RGS22: variants seen among roughly 807,000 people sequenced by gnomAD.
RGS22 encodes regulator of G protein signaling 22.
RGS22 carries 148 observed loss-of-function variants against 172.9 expected under a neutral mutation model. The ratio of observed to expected loss-of-function variants is 0.86; its 90% CI spans 0.75 to 0.98. The LOEUF (loss-of-function observed/expected upper bound fraction) is 0.98, where lower values mean the gene tolerates loss of function less well. Ranked by LOEUF, RGS22 falls within the 50% of genes least tolerant of loss-of-function variation. RGS22 has a pLI of 0.00. For synonymous variants in RGS22, 458 were observed against 480.2 expected (o/e 0.95, Z 0.60); for missense variants, 1,347 against 1,440.8 (o/e 0.93, Z 1.05).
At chr8:100,029,336 G>A (rs561317033) in intron 14 of RGS22, among the ~76,000 whole-genome samples, 1 of 152,212 alleles carries the variant, frequency 6.6e-6, no homozygotes, top group East Asian at 1.9e-4. Flanking sequence ...TGATAATACT[G>A]TTATGACAGA....
At chr8:100,087,803 G>C (rs1812270174) in intron 3 of RGS22, among the ~76,000 whole-genome samples, 1 of 152,050 alleles carries the variant, frequency 6.6e-6, no homozygotes, top group Admixed American at 6.6e-5. Flanking sequence ...TGTCATTTTA[G>C]ATGTTTAACC....
chr8:100,053,043 A>C, intron 9 of RGS22, 67 bp from the exon 10 acceptor site: 1 of 1,379,060 alleles, frequency 7.3e-7, no homozygotes, highest in Non-Finnish European at 1.0e-6. Flanking sequence ...AAAGCCTACA[A>C]AATACATAAT....
chr8:100,060,421 T>TATATATATATATATATATATATAC lies in RGS22; in HGVS notation c.1514+2169_1514+2170insGTATATATATATATATATATATAT, dbSNP rs1245783464. ...CTACGTGTATATATATATATATATA[T>TATATATATATATATATATATATAC]ACACACACACACACACACACGCACC... is the stretch of plus-strand genomic sequence containing the variant. On this transcript the variant is annotated intron_variant, in intron 9 of 27. Transcript: ENST00000360863. Among the ~76,000 whole-genome samples the TATATATATATATATATATATATAC allele has an allele frequency of 1.6e-3, 195 of 119,386 alleles. 1 individual carries two copies. Among genetic ancestry groups the TATATATATATATATATATATATAC allele is most frequent in the South Asian group, 4.9e-3 (17 of 3,456 alleles). The allele number at this position is 119,386 out of a possible 152,430, so 78.3% of individuals were successfully genotyped here.
intron 24 of RGS22, 114 bp downstream of exon 24, chr8:99,965,221 T>C: frequency 3.5e-6 from 2 of 570,078 alleles, no homozygotes; most frequent in South Asian, 3.7e-5. Flanking sequence ...ATTATAATTG[T>C]AGGCTTATTT....
chr8:100,101,693 G>A (rs1477381129), intron 2 of RGS22, among the ~76,000 whole-genome samples: 1 of 151,802 alleles, frequency 6.6e-6, no homozygotes, highest in African/African-American at 2.4e-5. Flanking sequence ...TACAAGGTAT[G>A]TGTCCCTAAC....
intron 11 of RGS22, among the ~76,000 whole-genome samples, chr8:100,044,165 T>C (rs1468208501): frequency 6.6e-6 from 1 of 152,226 alleles, no homozygotes; most frequent in Non-Finnish European, 1.5e-5. Context: ...GAAGAACTAA[T>C]ATGCAGTTCT....
rs143736154 is a variant in RGS22, at chr8:100,040,172, T to C, written c.1939-85A>G. 476 of 1,195,018 alleles carry C rather than the reference T, an allele frequency of 4.0e-4. 2 individuals are homozygous for C. The African/African-American group carries it at 5.8e-3, about 15-fold the overall frequency. The allele number at this position is 1,195,018 out of a possible 1,614,324, so 74.0% of individuals were successfully genotyped here. ...TTACACAACAGGATTTCATAAACTC[T>C]ACCATGCTGTCATTTTCCCACTGGA... On this transcript the variant is annotated intron_variant, in intron 12 of 27. Coordinates refer to ENST00000360863, the MANE Select transcript of RGS22 (RefSeq NM_015668.5).
At chr8:100,045,461 T>C (rs1447884844) in intron 11 of RGS22, among the ~76,000 whole-genome samples, 2 of 152,098 alleles carry the variant, frequency 1.3e-5, no homozygotes, top group Non-Finnish European at 2.9e-5. Context: ...GAAAATAATG[T>C]AGAAATAGTT....
chr8:100,099,983 A>G lies in RGS22; in HGVS notation c.54+5391T>C, dbSNP rs140005217. ...TGTAATTTAACATATTTTGTTTGAA[A>G]AAAACCACCAAGTGGTCATTAATTG... is the stretch of plus-strand genomic sequence containing the variant. On this transcript the variant is annotated intron_variant, in intron 2 of 27. Coordinates refer to ENST00000360863, the MANE Select transcript of RGS22 (RefSeq NM_015668.5). 3.6e-3 allele frequency among the ~76,000 whole-genome samples: 543 copies of G among 152,294 alleles called. 5 individuals carry two copies. Among genetic ancestry groups the G allele is most frequent in the African/African-American group, 0.013 (523 of 41,552 alleles).
chr8:100,024,715 T>A (rs1222480563), intron 14 of RGS22, among the ~76,000 whole-genome samples: 1 of 152,248 alleles, frequency 6.6e-6, no homozygotes, highest in Non-Finnish European at 1.5e-5. Flanking sequence ...GTTAAGAGTA[T>A]AGGGTCTGGA....
At position 100,072,048 on chromosome 8, in the gene RGS22, A is replaced by G. The variant is rs1586205105; in HGVS notation, c.425+97T>C. The G allele has an allele frequency of 5.6e-6, 4 of 708,366 alleles. No individual in the cohort carries two copies. In the East Asian group the frequency reaches 1.2e-4, roughly 22 times the overall value. The allele number at this position is 708,366 out of a possible 1,614,324, so 43.9% of individuals were successfully genotyped here. A position where few individuals can be genotyped will look rare whatever the true frequency, so the allele number is the denominator to read the frequency against. ...CCTGACTCTACAAAGAATTTAAAAG[A>G]TTTGCCACACATGGTGGCATACAGC... On this transcript the variant is annotated intron_variant, in intron 5 of 27. Coordinates refer to ENST00000360863, the MANE Select transcript of RGS22 (RefSeq NM_015668.5).
chr8:99,970,427 A>T (rs1335867145), intron 23 of RGS22, among the ~76,000 whole-genome samples: 1 of 152,210 alleles, frequency 6.6e-6, no homozygotes, highest in Non-Finnish European at 1.5e-5. Flanking sequence ...CCCTTCAAAA[A>T]ATCAATGAAT....
At chr8:100,070,041 A>C (rs1416269241) in intron 6 of RGS22, among the ~76,000 whole-genome samples, 1 of 150,024 alleles carries the variant, frequency 6.7e-6, no homozygotes, top group Non-Finnish European at 1.5e-5. Flanking sequence ...AAAAAAAAAA[A>C]AAAAAAACAA....
intron 17 of RGS22, among the ~76,000 whole-genome samples, chr8:100,003,394 G>A (rs1815327032): frequency 6.6e-6 from 1 of 151,968 alleles, no homozygotes; most frequent in East Asian, 1.9e-4. Context: ...TTGGCTCCCA[G>A]ATCTTACCAG....
chr8:100,104,236 T>C (rs1312913434), intron 2 of RGS22, among the ~76,000 whole-genome samples: 1 of 152,106 alleles, frequency 6.6e-6, no homozygotes, highest in African/African-American at 2.4e-5. Context: ...GAAGATCACC[T>C]AAGCCCAGGG....
intron 21 of RGS22, among the ~76,000 whole-genome samples, chr8:99,984,119 A>T (rs568226207): frequency 6.6e-6 from 1 of 152,188 alleles, no homozygotes; most frequent in African/African-American, 2.4e-5. Context: ...CTCTGTCTCT[A>T]CAAAAATATA....
chr8:100,071,807 A>T lies in RGS22; in HGVS notation c.426-270T>A, dbSNP rs539184900. Among the ~76,000 whole-genome samples, 9 of 152,312 alleles carry T rather than the reference A, an allele frequency of 5.9e-5. No homozygotes were observed. The South Asian group carries it at 1.9e-3, about 32-fold the overall frequency. ...AAAAGTCAGGGAACATAAAGGAAAAACTTGGCTCTGGACTACGGCATTCTA... is the reference window on the plus strand; with the variant it reads ...AAAAGTCAGGGAACATAAAGGAAAATCTTGGCTCTGGACTACGGCATTCTA... On this transcript the variant is annotated intron_variant, in intron 5 of 27. Transcript: ENST00000360863.
intron 23 of RGS22, among the ~76,000 whole-genome samples, chr8:99,969,309 G>A (rs1811083007): frequency 6.6e-6 from 1 of 152,138 alleles, no homozygotes; most frequent in South Asian, 2.1e-4. Context: ...AAAGACCAAT[G>A]ACACTATGAA....
At chr8:100,017,587 C>T (rs2037154693) in intron 14 of RGS22, among the ~76,000 whole-genome samples, 1 of 151,910 alleles carries the variant, frequency 6.6e-6, no homozygotes, top group African/African-American at 2.4e-5. Context: ...AAGTGGATAA[C>T]TAACAACTGA....
Sources: gnomAD v4.1 joint callset for allele counts (sites outside exome capture counted in the v4.1 genomes callset) on GRCh38, gnomAD v4.1.1 for gene constraint, MANE v1.5 for transcripts, NCBI Gene and HGNC (gene_info 2026-07-23, HGNC 2026-07-21) for gene names.